The following VTI1A variants were observed in gnomAD, a reference collection of about 807,000 sequenced individuals.
VTI1A encodes vesicle transport through interaction with t-SNAREs 1A, also known as vesicle transport through interaction with t-SNAREs homolog 1A.
In VTI1A, 22 loss-of-function variants were observed where a neutral mutation model predicts 34.9. The observed-to-expected ratio is 0.63, with a 90% CI of 0.45 to 0.90. The LOEUF (loss-of-function observed/expected upper bound fraction) is 0.90. VTI1A is among the 40% of genes least tolerant of loss of function. VTI1A has a pLI of 0.00. For synonymous variants in VTI1A, 87 were observed against 97.3 expected (o/e 0.89, Z 0.62); for missense variants, 268 against 275.6 (o/e 0.97, Z 0.20).
At position 112,720,823 on chromosome 10, in the gene VTI1A, G is replaced by T. The variant is rs902495109; in HGVS notation, c.560+51825G>T. ...TCATTTTACCAATTAGGAAAGCAAGGACCTAAGAGGTGAAATATGTGGGTC... is the reference window on the plus strand; with the variant it reads ...TCATTTTACCAATTAGGAAAGCAAGTACCTAAGAGGTGAAATATGTGGGTC... On this transcript the variant is annotated intron_variant, in intron 7 of 7. Coordinates refer to ENST00000393077, the MANE Select transcript of VTI1A (RefSeq NM_145206.4). Among the ~76,000 whole-genome samples the T allele has an allele frequency of 1.4e-4, 21 of 152,140 alleles. 1 individual carries two copies. The highest frequency in any genetic ancestry group is 4.3e-4 in the African/African-American group (18 of 41,430).
At chr10:112,656,182 G>A (rs531907745) in intron 5 of VTI1A, among the ~76,000 whole-genome samples, 2 of 152,252 alleles carry the variant, frequency 1.3e-5, no homozygotes, top group African/African-American at 4.8e-5. Flanking sequence ...GGGGTGTTTC[G>A]AGGAGAGGGT....
rs775988341 is a variant in VTI1A, at chr10:112,447,360, G to A, written c.-14G>A. Reference sequence around the variant, plus strand: ...ACCTAGGCTTTGGCCTGGGCTACTCGTTCCGGAGCCGCCATGTCGTCCGAC... The same window carrying A: ...ACCTAGGCTTTGGCCTGGGCTACTCATTCCGGAGCCGCCATGTCGTCCGAC... On this transcript the variant is annotated 5_prime_UTR_variant, in exon 1 of 8. Coordinates refer to ENST00000393077, the MANE Select transcript of VTI1A (RefSeq NM_145206.4). 6.2e-7 allele frequency: 1 copy of A among 1,611,766 alleles called. No homozygotes were observed. The highest frequency in any genetic ancestry group is 1.7e-5 in the Admixed American group (1 of 59,880).
At chr10:112,591,735 C>A (rs1235124262) in intron 5 of VTI1A, among the ~76,000 whole-genome samples, 1 of 152,174 alleles carries the variant, frequency 6.6e-6, no homozygotes, top group Admixed American at 6.5e-5. Context: ...GATTACCTGA[C>A]TTGGTGGGCA....
chr10:112,777,687 G>C (rs1361400578), intron 7 of VTI1A, among the ~76,000 whole-genome samples: 1 of 152,188 alleles, frequency 6.6e-6, no homozygotes, highest in Non-Finnish European at 1.5e-5. Context: ...AAAGAGATGA[G>C]AGGCCTCCGT....
At chr10:112,740,732 ATGGGGTCACCACTT>A (rs1397249123) in intron 7 of VTI1A, among the ~76,000 whole-genome samples, 2 of 152,246 alleles carry the variant, frequency 1.3e-5, no homozygotes, top group African/African-American at 4.8e-5. Flanking sequence ...AGAATGTAAA[ATGGGGTCACCACTT>A]TGGAAAACAG....
chr10:112,840,733 G>A, the VTI1A span, among the ~76,000 whole-genome samples: 7 of 152,198 alleles, frequency 4.6e-5, no homozygotes, highest in Non-Finnish European at 7.3e-5. Flanking sequence ...TGGGGGGAAA[G>A]TGAGCCTAAT....
At chr10:112,827,458 T>C in the VTI1A span, 82 of 152,186 alleles carry the variant, frequency 5.4e-4, no homozygotes, top group African/African-American at 1.8e-3. Context: ...GTTTCCTACA[T>C]CTCATTCAGG....
intron 5 of VTI1A, among the ~76,000 whole-genome samples, chr10:112,561,418 T>C (rs1851721896): frequency 6.6e-6 from 1 of 152,228 alleles, no homozygotes; most frequent in Admixed American, 6.5e-5. Flanking sequence ...GCTGAAATTT[T>C]GTAACAAGAA....
intron 5 of VTI1A, among the ~76,000 whole-genome samples, chr10:112,667,155 C>G (rs537289916): frequency 6.6e-6 from 1 of 151,950 alleles, no homozygotes; most frequent in African/African-American, 2.4e-5. Flanking sequence ...CATTAAATTA[C>G]TTGTTATTAT....
downstream of VTI1A, among the ~76,000 whole-genome samples, chr10:112,821,728 T>C (rs1285543647): frequency 6.6e-6 from 1 of 152,174 alleles, no homozygotes; most frequent in Non-Finnish European, 1.5e-5. Context: ...CACCACCTCC[T>C]TGAGGGATGG....
At chr10:112,507,446 C>T (rs183361867) in intron 3 of VTI1A, among the ~76,000 whole-genome samples, 7 of 152,248 alleles carry the variant, frequency 4.6e-5, no homozygotes, top group Non-Finnish European at 1.0e-4. Context: ...ATTCTGAATG[C>T]GTCAGAATAT....
At chr10:112,476,899 C>T (rs1848295640) in intron 3 of VTI1A, among the ~76,000 whole-genome samples, 1 of 152,116 alleles carries the variant, frequency 6.6e-6, no homozygotes, top group South Asian at 2.1e-4. Flanking sequence ...GGGTTAGGCA[C>T]TTTTGACTTA....
At chr10:112,712,799 T>C (rs183144795) in intron 7 of VTI1A, among the ~76,000 whole-genome samples, 77 of 152,326 alleles carry the variant, frequency 5.1e-4, no homozygotes, top group African/African-American at 1.8e-3. Flanking sequence ...TCAAGGGATG[T>C]TGATTCCACA....
intron 1 of VTI1A, among the ~76,000 whole-genome samples, chr10:112,457,163 C>T (rs74158727): frequency 0.027 from 4,093 of 152,084 alleles, 185 homozygotes; most frequent in African/African-American, 0.092. Context: ...AAAGGATGCT[C>T]GGCTCTGAAA....
chr10:112,683,362 A>C (rs1367588307), intron 7 of VTI1A, among the ~76,000 whole-genome samples: 1 of 152,120 alleles, frequency 6.6e-6, no homozygotes, highest in Non-Finnish European at 1.5e-5. Flanking sequence ...ATGAAAGTGA[A>C]CCTGAGTGGT....
At chr10:112,837,528 C>G in the VTI1A span, among the ~76,000 whole-genome samples, 107 of 152,344 alleles carry the variant, frequency 7.0e-4, 1 homozygote, top group South Asian at 0.013. Context: ...GCCCTACCCT[C>G]CTGAGGGCTT....
the VTI1A span, chr10:112,823,758 A>T: frequency 6.6e-6 from 1 of 152,274 alleles, no homozygotes; most frequent in African/African-American, 2.4e-5. Flanking sequence ...GATGAAGCCC[A>T]CAGAGCTGGA....
chr10:112,717,037 G>A (rs563895874), intron 7 of VTI1A, among the ~76,000 whole-genome samples: 1 of 152,270 alleles, frequency 6.6e-6, no homozygotes, highest in African/African-American at 2.4e-5. Flanking sequence ...TGTAAACGCA[G>A]CTTCGTAACA....
At chr10:112,635,515 A>G in intron 5 of VTI1A, among the ~76,000 whole-genome samples, 1 of 152,220 alleles carries the variant, frequency 6.6e-6, no homozygotes, top group African/African-American at 2.4e-5. Flanking sequence ...TAAACCTTGG[A>G]TTTTTCTTGG....
Sources: gnomAD v4.1 joint callset for allele counts (sites outside exome capture counted in the v4.1 genomes callset) on GRCh38, gnomAD v4.1.1 for gene constraint, MANE v1.5 for transcripts, NCBI Gene and HGNC (gene_info 2026-07-23, HGNC 2026-07-21) for gene names.